Variants in KHDRBS2 observed in about 807,000 individuals in gnomAD.
The protein encoded by KHDRBS2 is KH RNA binding domain containing, signal transduction associated 2.
KHDRBS2 carries 26 observed loss-of-function variants against 44.3 expected under a neutral mutation model. The observed-to-expected ratio is 0.59, with a 90% confidence interval of 0.43 to 0.81. The LOEUF (loss-of-function observed/expected upper bound fraction) is 0.81, where lower values mean the gene tolerates loss of function less well. Among genes scored for constraint, KHDRBS2 ranks in the 40% least tolerant of loss-of-function variants. The pLI is 0.00. For missense variants in KHDRBS2, 476 were observed against 433.1 expected (o/e 1.10, Z -0.88); for synonymous variants, 194 against 151.1 (o/e 1.28, Z -2.08).
intron 7 of KHDRBS2, among the ~76,000 whole-genome samples, chr6:61,719,151 T>C (rs898943763): frequency 6.6e-6 from 1 of 152,274 alleles, no homozygotes; most frequent in African/African-American, 2.4e-5. Flanking sequence ...TCCATTTAAA[T>C]ATTTTGCCTA....
chr6:61,965,261 C>T lies in KHDRBS2; in HGVS notation c.483+12805G>A, dbSNP rs1311886443. 3.9e-5 allele frequency among the ~76,000 whole-genome samples: 6 copies of T among 152,102 alleles called. No individual in the cohort carries two copies. In the East Asian group the frequency reaches 1.2e-3, roughly 30 times the overall value. Reference sequence around the variant, plus strand: ...CCCCCTACTTACAAATCAATCATAGCCTTTATGGGTCTGGAAGCTTCAAAG... The same window carrying T: ...CCCCCTACTTACAAATCAATCATAGTCTTTATGGGTCTGGAAGCTTCAAAG... On this transcript the variant is annotated intron_variant, in intron 4 of 8. Transcript: ENST00000281156.
chr6:62,063,860 T>A (rs1792766889), intron 2 of KHDRBS2, among the ~76,000 whole-genome samples: 1 of 136,022 alleles, frequency 7.4e-6, no homozygotes, highest in African/African-American at 2.7e-5. Flanking sequence ...GCAGATGACA[T>A]GATTGTATAT....
intron 3 of KHDRBS2, among the ~76,000 whole-genome samples, chr6:62,041,932 T>G (rs1474336773): frequency 6.6e-6 from 1 of 152,052 alleles, no homozygotes; most frequent in African/African-American, 2.4e-5. Context: ...TGATAAATTA[T>G]TCATACAACA....
At chr6:62,032,820 C>G (rs1251190502) in intron 3 of KHDRBS2, among the ~76,000 whole-genome samples, 3 of 151,832 alleles carry the variant, frequency 2.0e-5, no homozygotes, top group African/African-American at 7.3e-5. Flanking sequence ...AGAATATCTA[C>G]TATCATTAAC....
intron 6 of KHDRBS2, among the ~76,000 whole-genome samples, chr6:61,772,782 C>G (rs1301161465): frequency 1.3e-5 from 2 of 151,970 alleles, no homozygotes; most frequent in African/African-American, 4.8e-5. Context: ...TAAAGCTATC[C>G]CTACCCCCTA....
At chr6:61,744,438 T>A (rs6912182) in intron 6 of KHDRBS2, among the ~76,000 whole-genome samples, 4,121 of 152,060 alleles carry the variant, frequency 0.027, 91 homozygotes, top group Middle Eastern at 0.082. Context: ...TAGCTGCAAG[T>A]GCAGTCCTGA....
At chr6:61,950,853 C>T (rs1422473491) in intron 4 of KHDRBS2, among the ~76,000 whole-genome samples, 2 of 151,912 alleles carry the variant, frequency 1.3e-5, no homozygotes, top group African/African-American at 4.8e-5. Context: ...GTACTAAATT[C>T]TGTGATGTTT....
intron 2 of KHDRBS2, among the ~76,000 whole-genome samples, chr6:62,070,673 C>T (rs1281347773): frequency 1.3e-5 from 2 of 152,158 alleles, no homozygotes; most frequent in Non-Finnish European, 2.9e-5. Context: ...ATGAACTCAT[C>T]ATTTTTTATG....
chr6:62,279,893 T>G (rs755157226), intron 1 of KHDRBS2, among the ~76,000 whole-genome samples: 1 of 152,180 alleles, frequency 6.6e-6, no homozygotes, highest in Non-Finnish European at 1.5e-5. Context: ...CTGTTTGGCC[T>G]CTACCTGGCA....
chr6:61,890,531 A>G (rs571838915), intron 6 of KHDRBS2, among the ~76,000 whole-genome samples: 6 of 152,306 alleles, frequency 3.9e-5, no homozygotes, highest in South Asian at 2.1e-4. Context: ...ATTAATAACA[A>G]TGCTAACTAC....
intron 7 of KHDRBS2, among the ~76,000 whole-genome samples, chr6:61,729,241 A>G (rs187142877): frequency 8.4e-4 from 128 of 152,224 alleles, no homozygotes; most frequent in African/African-American, 3.1e-3. Flanking sequence ...AAAACAAAAT[A>G]CCACATATTC....
chr6:62,188,444 C>T (rs1405679859), intron 1 of KHDRBS2, among the ~76,000 whole-genome samples: 1 of 151,978 alleles, frequency 6.6e-6, no homozygotes, highest in Non-Finnish European at 1.5e-5. Context: ...TCCTCCAGGT[C>T]CATCCATGTT....
chr6:61,775,862 G>A (rs986154513), intron 6 of KHDRBS2, among the ~76,000 whole-genome samples: 9 of 152,124 alleles, frequency 5.9e-5, no homozygotes, highest in African/African-American at 9.7e-5. Flanking sequence ...GAACAAAGCT[G>A]GAGGCAACAG....
intron 6 of KHDRBS2, among the ~76,000 whole-genome samples, chr6:61,891,846 A>G (rs1347476754): frequency 1.3e-5 from 2 of 152,214 alleles, no homozygotes; most frequent in Admixed American, 6.5e-5. Flanking sequence ...GGCACAAGAC[A>G]GGGATGCCCT....
chr6:62,088,527 G>A (rs556741145), intron 2 of KHDRBS2, among the ~76,000 whole-genome samples: 2 of 152,282 alleles, frequency 1.3e-5, no homozygotes, highest in South Asian at 4.1e-4. Context: ...TATCACCAGT[G>A]GAGGCTGCAG....
At chr6:62,048,910 A>G (rs1255331757) in intron 2 of KHDRBS2, among the ~76,000 whole-genome samples, 4 of 151,864 alleles carry the variant, frequency 2.6e-5, no homozygotes, top group Non-Finnish European at 4.4e-5. Flanking sequence ...ACTAAGTAAA[A>G]TTGCTTTCTA....
intron 4 of KHDRBS2, among the ~76,000 whole-genome samples, chr6:61,955,709 C>CGT (rs1562522419): frequency 2.9e-4 from 26 of 89,946 alleles, no homozygotes; most frequent in South Asian, 9.4e-4. Context: ...TATATATACA[C>CGT]ATATGTATGT....
At chr6:61,565,132 T>C in the KHDRBS2 span, among the ~76,000 whole-genome samples, 1 of 152,074 alleles carries the variant, frequency 6.6e-6, no homozygotes. Flanking sequence ...AGAATGAAAC[T>C]AGACCCCTAT....
chr6:62,246,267 A>G (rs1286765974), intron 1 of KHDRBS2, among the ~76,000 whole-genome samples: 2 of 151,802 alleles, frequency 1.3e-5, no homozygotes, highest in Non-Finnish European at 2.9e-5. Context: ...AAGAGGATAC[A>G]GGCAAGTTCT....
Sources: allele counts gnomAD v4.1 joint callset (sites outside exome capture counted in the v4.1 genomes callset), GRCh38; gene constraint gnomAD v4.1.1; transcripts MANE v1.5; gene names NCBI Gene and HGNC (gene_info 2026-07-23, HGNC 2026-07-21).